The following CNTNAP2 variants were observed in gnomAD, a reference collection of about 807,000 sequenced individuals.
The protein encoded by CNTNAP2 is contactin-associated protein-like 2.
In CNTNAP2, 98 loss-of-function variants were observed where a neutral mutation model predicts 155.2. That is an observed-to-expected ratio of 0.63 (90% CI 0.54 to 0.75). The LOEUF (loss-of-function observed/expected upper bound fraction) is 0.75. CNTNAP2 is among the 30% of genes least tolerant of loss of function. CNTNAP2 has a pLI of 0.00. For synonymous variants in CNTNAP2, 651 were observed against 631.2 expected, an observed-to-expected ratio of 1.03 and a Z score of -0.47; for missense variants, 1,727 against 1,688.1, an observed-to-expected ratio of 1.02 and a Z score of -0.40.
intron 1 of CNTNAP2, among the ~76,000 whole-genome samples, chr7:146,586,459 A>G (rs939311301): frequency 6.6e-6 from 1 of 152,182 alleles, no homozygotes; most frequent in Non-Finnish European, 1.5e-5. Flanking sequence ...ACTCCCTACA[A>G]TATTCTACAT....
intron 1 of CNTNAP2, among the ~76,000 whole-genome samples, chr7:146,231,826 A>G (rs1799390918): frequency 6.6e-6 from 1 of 152,214 alleles, no homozygotes; most frequent in South Asian, 2.1e-4. Context: ...GGAACTGCAC[A>G]TGTGGCACAC....
chr7:146,931,856 T>G (rs1016523012), intron 3 of CNTNAP2, among the ~76,000 whole-genome samples: 9 of 152,116 alleles, frequency 5.9e-5, no homozygotes, highest in African/African-American at 1.4e-4. Context: ...ATACATTCCT[T>G]GACACATACA....
chr7:147,977,907 G>T lies in CNTNAP2; in HGVS notation c.2301G>T (p.Val767=). Residue 767 remains valine, a synonymous_variant, in exon 15 of 24, where the codon GTG becomes GTT. Coordinates refer to ENST00000361727, the MANE Select transcript of CNTNAP2 (RefSeq NM_014141.6). ...TATCATACAAAGATCACCTGCCAGT[G>T]AGCCAAGTGGTGGTTGGAGATACTG... ...GFLSYKDHLP[V]SQVVVGDTDR... The T allele has an allele frequency of 6.2e-7, 1 of 1,614,164 alleles. No homozygotes were observed. The highest frequency in any genetic ancestry group is 1.3e-5 in the African/African-American group (1 of 75,064).
intron 10 of CNTNAP2, among the ~76,000 whole-genome samples, chr7:147,396,162 TATATC>T (rs1033397170): frequency 6.7e-4 from 76 of 113,436 alleles, no homozygotes; most frequent in African/African-American, 1.2e-3. Context: ...ATATATGAGA[TATATC>T]ATATATATAT....
chr7:147,962,298 T>C lies in CNTNAP2; in HGVS notation c.2256-15564T>C, dbSNP rs1181280684. The stretch of plus-strand genomic sequence containing the variant: ...AATTCATACTCGGATATAGTTAGAA[T>C]GTGTATACTGAATTAGAATGTTAGT... On this transcript the variant is annotated intron_variant, in intron 14 of 23. Transcript: ENST00000361727. Among the ~76,000 whole-genome samples, 4 of 152,218 alleles carry C rather than the reference T, an allele frequency of 2.6e-5. No homozygotes were observed. The East Asian group carries it at 5.8e-4, about 22-fold the overall frequency.
At chr7:146,204,884 T>C (rs1425116690) in intron 1 of CNTNAP2, among the ~76,000 whole-genome samples, 1 of 151,990 alleles carries the variant, frequency 6.6e-6, no homozygotes, top group Non-Finnish European at 1.5e-5. Flanking sequence ...ATTTTCAAAT[T>C]GAAGCCAGAC....
intron 13 of CNTNAP2, among the ~76,000 whole-genome samples, chr7:147,708,221 G>T (rs1796347284): frequency 6.6e-6 from 1 of 152,164 alleles, no homozygotes. Flanking sequence ...CCTGGGAACA[G>T]CAGTCACTTG....
intron 17 of CNTNAP2, among the ~76,000 whole-genome samples, chr7:148,153,383 C>T (rs142589095): frequency 6.5e-4 from 99 of 152,172 alleles, no homozygotes; most frequent in African/African-American, 2.4e-3. Context: ...CAAAAAGTAA[C>T]AAATACATTT....
intron 1 of CNTNAP2, among the ~76,000 whole-genome samples, chr7:146,232,981 G>A (rs937175682): frequency 1.3e-5 from 2 of 152,060 alleles, no homozygotes; most frequent in Admixed American, 6.6e-5. Flanking sequence ...TCACTCTATT[G>A]CATAATCTCA....
intron 1 of CNTNAP2, among the ~76,000 whole-genome samples, chr7:146,185,390 G>C (rs749682585): frequency 7.2e-5 from 11 of 152,052 alleles, no homozygotes; most frequent in Non-Finnish European, 1.3e-4. Flanking sequence ...GCAAAGTTGA[G>C]TAACTTCGAT....
chr7:146,840,408 C>A (rs915349425), intron 3 of CNTNAP2, among the ~76,000 whole-genome samples: 1 of 152,038 alleles, frequency 6.6e-6, no homozygotes, highest in East Asian at 1.9e-4. Context: ...TAAAGCTTAA[C>A]CCATTTGTTC....
chr7:147,932,785 T>A (rs762265799), intron 14 of CNTNAP2, among the ~76,000 whole-genome samples: 8 of 152,152 alleles, frequency 5.3e-5, no homozygotes, highest in Non-Finnish European at 1.2e-4. Context: ...ACCTGTAGAA[T>A]GAGACAAAAT....
chr7:148,154,483 T>C (rs1805363328), intron 17 of CNTNAP2, among the ~76,000 whole-genome samples: 2 of 152,190 alleles, frequency 1.3e-5, no homozygotes, highest in Non-Finnish European at 2.9e-5. Context: ...TGCAAATGGA[T>C]CATTCCAGTG....
chr7:147,007,070 T>C (rs532660551), intron 3 of CNTNAP2, among the ~76,000 whole-genome samples: 1 of 152,134 alleles, frequency 6.6e-6, no homozygotes, highest in Non-Finnish European at 1.5e-5. Flanking sequence ...TGTACTACAC[T>C]AGTACATATG....
chr7:148,385,420 G>A (rs999224536), intron 22 of CNTNAP2, among the ~76,000 whole-genome samples: 1 of 152,156 alleles, frequency 6.6e-6, no homozygotes, highest in Non-Finnish European at 1.5e-5. Flanking sequence ...ACATGTCAGG[G>A]CCACAGAGGA....
intron 1 of CNTNAP2, among the ~76,000 whole-genome samples, chr7:146,622,171 G>GTATATATATACACACACGTA (rs1799331551): frequency 6.8e-6 from 1 of 146,742 alleles, no homozygotes; most frequent in African/African-American, 2.5e-5. Context: ...ATACACACAC[G>GTATATATATACACACACGTA]TATATATATA....
At chr7:146,288,518 A>G (rs1226255741) in intron 1 of CNTNAP2, among the ~76,000 whole-genome samples, 1 of 152,042 alleles carries the variant, frequency 6.6e-6, no homozygotes, top group Non-Finnish European at 1.5e-5. Context: ...GTTTTATTAT[A>G]ACGTTGATGA....
At chr7:146,737,504 A>C (rs923585079) in intron 1 of CNTNAP2, among the ~76,000 whole-genome samples, 3 of 152,110 alleles carry the variant, frequency 2.0e-5, no homozygotes, top group Non-Finnish European at 4.4e-5. Context: ...TAGATTCCAC[A>C]TATGAATGAG....
At chr7:146,189,074 G>T (rs1055684479) in intron 1 of CNTNAP2, among the ~76,000 whole-genome samples, 2 of 152,246 alleles carry the variant, frequency 1.3e-5, no homozygotes, top group African/African-American at 4.8e-5. Context: ...CAGAAACACA[G>T]ATTGATAATA....
Sources: allele counts gnomAD v4.1 joint callset (sites outside exome capture counted in the v4.1 genomes callset), GRCh38; gene constraint gnomAD v4.1.1; transcripts MANE v1.5; gene names NCBI Gene and HGNC (gene_info 2026-07-23, HGNC 2026-07-21).